ZNF431: variants seen among roughly 807,000 people sequenced by gnomAD.
ZNF431 encodes zinc finger protein 431.
In ZNF431, 34 loss-of-function variants were observed where a neutral mutation model predicts 57.0. The observed-to-expected ratio is 0.60, with a 90% CI of 0.45 to 0.79. The LOEUF (loss-of-function observed/expected upper bound fraction) is 0.79. ZNF431 is among the 30% of genes least tolerant of loss of function. The pLI, the probability that ZNF431 is intolerant of heterozygous loss-of-function variation, is 0.00. For synonymous variants in ZNF431, 207 were observed against 220.3 expected (o/e 0.94, Z 0.54); for missense variants, 607 against 667.1 (o/e 0.91, Z 0.99).
intron 2 of ZNF431, among the ~76,000 whole-genome samples, chr19:21,156,488 C>A (rs965445095): frequency 6.6e-6 from 1 of 151,996 alleles, no homozygotes; most frequent in Non-Finnish European, 1.5e-5. Context: ...AGCGTAAAAC[C>A]GAACAGGTAT....
intron 4 of ZNF431, among the ~76,000 whole-genome samples, chr19:21,174,741 A>AATGT (rs1210473686): frequency 5.3e-5 from 8 of 151,852 alleles, no homozygotes; most frequent in Admixed American, 3.9e-4. Flanking sequence ...TCTTTTTATA[A>AATGT]ATGTATGTAT....
intron 2 of ZNF431, among the ~76,000 whole-genome samples, chr19:21,156,285 A>G (rs1265545851): frequency 6.6e-6 from 1 of 152,206 alleles, no homozygotes; most frequent in East Asian, 1.9e-4. Context: ...AATAAATCAG[A>G]GTCCAGCCCC....
chr19:21,193,147 A>G lies in ZNF431; in HGVS notation c.*9113A>G, dbSNP rs545233617. 133 of 152,334 alleles carry G rather than the reference A, an allele frequency of 8.7e-4. 1 individual carries two copies. The highest frequency in any genetic ancestry group is 3.0e-3 in the African/African-American group (123 of 41,574). 9.4% of individuals were successfully genotyped at this position (152,334 alleles called of 1,614,324 possible). A position where few individuals can be genotyped will look rare whatever the true frequency, so the allele number is the denominator to read the frequency against. ...ATCACAGCCGAATTTTAACACATAT[A>G]CAGAGATGAGCTGGTATTACTTCTA... On this transcript the variant is annotated 3_prime_UTR_variant, in exon 5 of 5. Coordinates refer to ENST00000311048, the MANE Select transcript of ZNF431 (RefSeq NM_133473.4).
At chr19:21,143,963 G>A (rs1003866344) in intron 2 of ZNF431, among the ~76,000 whole-genome samples, 2 of 152,062 alleles carry the variant, frequency 1.3e-5, no homozygotes, top group South Asian at 2.1e-4. Context: ...AGCAGTCACC[G>A]AGAAATACTG....
chr19:21,170,191 G>C (rs985956739), intron 4 of ZNF431, among the ~76,000 whole-genome samples: 10 of 152,128 alleles, frequency 6.6e-5, no homozygotes, highest in African/African-American at 2.4e-4. Flanking sequence ...TTTGGAGATG[G>C]GATCTTGTTT....
At chr19:21,161,468 ATTTG>A (rs1374303381) in intron 2 of ZNF431, among the ~76,000 whole-genome samples, 2 of 152,132 alleles carry the variant, frequency 1.3e-5, no homozygotes, top group African/African-American at 2.4e-5. Flanking sequence ...ACCTTGAGAG[ATTTG>A]TTTAAGTTGC....
At chr19:21,147,320 C>G (rs989585339) in intron 2 of ZNF431, among the ~76,000 whole-genome samples, 133 of 152,072 alleles carry the variant, frequency 8.7e-4, no homozygotes, top group African/African-American at 3.0e-3. Flanking sequence ...AACCCTGTCT[C>G]TACTAAAAAT....
In ZNF431 at chr19:21,193,416, ACTC is replaced by A. The variant is rs1181689374; in HGVS notation, c.*9383_*9385del. ...GTGGCATATGTCTGTAATCCCAGCT[ACTC>A]GGGAGGCTGAGGCAGGAAAATCGCT... is the stretch of plus-strand genomic sequence containing the variant. On this transcript the variant is annotated 3_prime_UTR_variant, in exon 5 of 5. Coordinates refer to ENST00000311048, the MANE Select transcript of ZNF431 (RefSeq NM_133473.4). 6.6e-6 allele frequency: 1 copy of A among 152,204 alleles called. No homozygotes were observed. The highest frequency in any genetic ancestry group is 1.5e-5 in the Non-Finnish European group (1 of 68,096). The allele number at this position is 152,204 out of a possible 1,614,324, so 9.4% of individuals were successfully genotyped here. A position where few individuals can be genotyped will look rare whatever the true frequency, so the allele number is the denominator to read the frequency against.
Position 21,147,922 on chromosome 19 carries a change from A to G in ZNF431, c.96+4279A>G, listed in dbSNP as rs1370966566. On this transcript the variant is annotated intron_variant, in intron 2 of 4. Coordinates refer to ENST00000311048, the MANE Select transcript of ZNF431 (RefSeq NM_133473.4). Reference sequence around the variant, plus strand: ...ACAGCCTTTTCTGTGTGATTTTAATACTAAATGAGCCAAATTTTTACTATT... The same window carrying G: ...ACAGCCTTTTCTGTGTGATTTTAATGCTAAATGAGCCAAATTTTTACTATT... Among the ~76,000 whole-genome samples the G allele has an allele frequency of 2.6e-5, 4 of 152,280 alleles. No homozygotes were observed. The South Asian group carries it at 8.3e-4, about 32-fold the overall frequency.
Position 21,194,027 on chromosome 19 carries a change from A to G in ZNF431, c.*9993A>G, listed in dbSNP as rs1244513976. 2.0e-5 allele frequency: 3 copies of G among 152,194 alleles called. No homozygotes were observed. The highest frequency in any genetic ancestry group is 7.2e-5 in the African/African-American group (3 of 41,446). 9.4% of individuals were successfully genotyped at this position (152,194 alleles called of 1,614,324 possible). A position where few individuals can be genotyped will look rare whatever the true frequency, so the allele number is the denominator to read the frequency against. On this transcript the variant is annotated 3_prime_UTR_variant, in exon 5 of 5. Coordinates refer to ENST00000311048, the MANE Select transcript of ZNF431 (RefSeq NM_133473.4). ...GGAAGTGCTGGATAAATCTAACAAA[A>G]TGAAAAAATAAATGGCATCCAAATA...
chr19:21,180,714 C>T (rs1000312121), intron 4 of ZNF431, among the ~76,000 whole-genome samples: 2 of 150,298 alleles, frequency 1.3e-5, no homozygotes, highest in Non-Finnish European at 3.0e-5. Flanking sequence ...TTTGGGAGGC[C>T]GAGGCAGGCA....
intron 2 of ZNF431, among the ~76,000 whole-genome samples, chr19:21,164,324 A>G (rs985593661): frequency 4.6e-5 from 7 of 152,112 alleles, no homozygotes; most frequent in Non-Finnish European, 4.4e-5. Context: ...AGTGTGGTGC[A>G]TATTTCCATT....
chr19:21,142,482 C>T (rs1033978232), intron 1 of ZNF431, among the ~76,000 whole-genome samples: 9 of 152,204 alleles, frequency 5.9e-5, no homozygotes, highest in African/African-American at 2.2e-4. Flanking sequence ...GCAGGGACCA[C>T]GGGAGGGTCT....
intron 2 of ZNF431, chr19:21,149,794 C>T: frequency 1.6e-6 from 1 of 640,670 alleles, no homozygotes; most frequent in Non-Finnish European, 2.9e-6. Flanking sequence ...CTTCCCCCAG[C>T]TTAGCCAAAG....
Position 21,184,188 on chromosome 19 carries a change from A to G in ZNF431, c.*154A>G. The G allele has an allele frequency of 1.6e-6, 1 of 616,882 alleles. No homozygotes were observed. Among genetic ancestry groups the G allele is most frequent in the Non-Finnish European group, 2.7e-6 (1 of 370,584 alleles). The allele number at this position is 616,882 out of a possible 1,614,324, so 38.2% of individuals were successfully genotyped here. ...AACATGGTGAAACCCTGTCTCTACT[A>G]AAAATACAAAAATTATCTGGGTGTG... is the stretch of plus-strand genomic sequence containing the variant. On this transcript the variant is annotated 3_prime_UTR_variant, in exon 5 of 5. Transcript: ENST00000311048.
chr19:21,183,266 T>C lies in ZNF431; in HGVS notation c.963T>C (p.Cys321=). The change falls in exon 5 of 5, where the codon TGT becomes TGC. Residue 321 remains cysteine (C), a synonymous_variant. Coordinates refer to ENST00000311048, the MANE Select transcript of ZNF431 (RefSeq NM_133473.4). ...AGAAGCCCTACAAATGTGAAGAATG[T>C]GGCAAAGCTTTTAACCAGTCTTCAA... The part of the protein sequence containing the change: ...TGEKPYKCEE[C]GKAFNQSSTL... 1 of 1,614,080 alleles carries C rather than the reference T, an allele frequency of 6.2e-7. No individual in the cohort carries two copies. Among genetic ancestry groups the C allele is most frequent in the Non-Finnish European group, 8.5e-7 (1 of 1,179,956 alleles).
intron 4 of ZNF431, among the ~76,000 whole-genome samples, chr19:21,169,014 C>T (rs1348411684): frequency 6.6e-6 from 1 of 152,042 alleles, no homozygotes; most frequent in Non-Finnish European, 1.5e-5. Flanking sequence ...TAGGTTCAAG[C>T]GATTCTCCTG....
intron 2 of ZNF431, 37 bp downstream of exon 2, chr19:21,143,680 C>T: frequency 6.6e-7 from 1 of 1,513,032 alleles, no homozygotes; most frequent in Non-Finnish European, 9.2e-7. Context: ...CTACGCCCAA[C>T]CCAGCTTTCA....
At chr19:21,175,094 T>A (rs1048809588) in intron 4 of ZNF431, among the ~76,000 whole-genome samples, 30 of 152,236 alleles carry the variant, frequency 2.0e-4, no homozygotes, top group South Asian at 4.1e-4. Context: ...CACTCTGTCA[T>A]CCAGGCTGGT....
Sources: allele counts gnomAD v4.1 joint callset (sites outside exome capture counted in the v4.1 genomes callset), GRCh38; gene constraint gnomAD v4.1.1; transcripts MANE v1.5; gene names NCBI Gene and HGNC (gene_info 2026-07-23, HGNC 2026-07-21).